The following MAP2K5 variants were observed in gnomAD, a reference collection of about 807,000 sequenced individuals.
MAP2K5 encodes the protein dual specificity mitogen-activated protein kinase kinase 5.
A neutral mutation model predicts 83.1 loss-of-function variants in MAP2K5; 49 were observed. The observed-to-expected ratio is 0.59, with a 90% CI of 0.47 to 0.75. The LOEUF (loss-of-function observed/expected upper bound fraction) is 0.75. Among genes scored for constraint, MAP2K5 ranks in the 30% least tolerant of loss-of-function variants. The pLI, the probability that MAP2K5 is intolerant of heterozygous loss-of-function variation, is 0.00. For synonymous variants in MAP2K5, 202 were observed against 191.8 expected, an observed-to-expected ratio of 1.05 and a Z score of -0.44; for missense variants, 457 against 557.5, an observed-to-expected ratio of 0.82 and a Z score of 1.82.
intron 6 of MAP2K5, chr15:67,588,008 G>T: frequency 1.4e-6 from 1 of 720,360 alleles, no homozygotes; most frequent in South Asian, 6.2e-5. Context: ...GGCCCATTCA[G>T]CCCCTCCTCC....
chr15:67,670,471 A>G (rs1392723623), intron 13 of MAP2K5: 1 of 454,770 alleles, frequency 2.2e-6, no homozygotes. Context: ...ACTGTGTATA[A>G]ATTATGCCTC....
chr15:67,678,359 A>G (rs2414974), intron 13 of MAP2K5, among the ~76,000 whole-genome samples: 149,527 of 152,228 alleles, frequency 0.98, 73,503 homozygotes, highest in Middle Eastern at 1. Flanking sequence ...TTATAGGGGG[A>G]AAAAGTTGAA....
intron 16 of MAP2K5, among the ~76,000 whole-genome samples, chr15:67,705,464 G>A (rs1341514775): frequency 1.3e-5 from 2 of 152,218 alleles, no homozygotes; most frequent in African/African-American, 4.8e-5. Context: ...GCTGGGCTCA[G>A]TGGCTCATGC....
intron 13 of MAP2K5, among the ~76,000 whole-genome samples, chr15:67,678,914 A>C (rs1024103725): frequency 1.4e-5 from 2 of 145,826 alleles, no homozygotes; most frequent in Non-Finnish European, 3.0e-5. Context: ...CAGTGAGGTG[A>C]GATCGTGCCA....
intron 17 of MAP2K5, among the ~76,000 whole-genome samples, chr15:67,733,562 G>A (rs2089272541): frequency 6.6e-6 from 1 of 152,154 alleles, no homozygotes. Context: ...TAGGGTAAAA[G>A]GAAGGTCTGA....
chr15:67,550,124 A>T (rs776448175), intron 2 of MAP2K5, 42 bp downstream of exon 2: 25 of 1,565,710 alleles, frequency 1.6e-5, no homozygotes, highest in African/African-American at 6.8e-5. Flanking sequence ...TCCTTTCTGC[A>T]GTCATTTTTT....
chr15:67,695,294 GAACCTTATTCTA>G (rs901901432), intron 15 of MAP2K5, among the ~76,000 whole-genome samples: 2 of 152,014 alleles, frequency 1.3e-5, no homozygotes, highest in African/African-American at 4.8e-5. Flanking sequence ...TTTAGGGATG[GAACCTTATTCTA>G]AACCTAATTC....
rs1209540603 is a variant in MAP2K5, at chr15:67,640,364, C to T, written c.586-5867C>T. 1.3e-5 allele frequency among the ~76,000 whole-genome samples: 2 copies of T among 152,128 alleles called. No homozygotes were observed. The highest frequency in any genetic ancestry group is 4.8e-5 in the African/African-American group (2 of 41,428). On this transcript the variant is annotated intron_variant, in intron 9 of 21. Transcript: ENST00000178640. This position sits in a 1 kb window ranked among gnomAD's most constrained non-coding sequence, Gnocchi z 4.6. ...TGCTCTCACCCAGAATATTTCTTAG[C>T]TTTTTTTATATTAAAGGGTGAAATG...
At chr15:67,582,059 C>CTTTT (rs944586636) in intron 4 of MAP2K5, among the ~76,000 whole-genome samples, 10 of 122,710 alleles carry the variant, frequency 8.1e-5, no homozygotes, top group Non-Finnish European at 1.2e-4. Flanking sequence ...TAGATGATTT[C>CTTTT]TTTTTTTTTT....
chr15:67,596,133 A>G (rs552350064), intron 7 of MAP2K5, among the ~76,000 whole-genome samples: 54 of 152,332 alleles, frequency 3.5e-4, no homozygotes, highest in African/African-American at 1.2e-3. Context: ...AAAAGCCTCT[A>G]GAAAAACTTT....
In MAP2K5 at chr15:67,634,650, C is replaced by T. The variant is rs928353719; in HGVS notation, c.585+3723C>T. On this transcript the variant is annotated intron_variant, in intron 9 of 21. Coordinates refer to ENST00000178640, the MANE Select transcript of MAP2K5 (RefSeq NM_145160.3). ...TGTTTGTTATGTCCTCTTGATAAAT[C>T]GGCCTCATTGACATTATGAAGTAAC... 3.3e-5 allele frequency among the ~76,000 whole-genome samples: 5 copies of T among 152,014 alleles called. No individual in the cohort carries two copies. The East Asian group carries it at 5.8e-4, about 18-fold the overall frequency.
intron 19 of MAP2K5, among the ~76,000 whole-genome samples, chr15:67,759,846 G>T (rs554749216): frequency 6.6e-6 from 1 of 152,250 alleles, no homozygotes; most frequent in African/African-American, 2.4e-5. Flanking sequence ...TTGTGATGTG[G>T]GATTTCATGG....
intron 19 of MAP2K5, among the ~76,000 whole-genome samples, chr15:67,756,504 A>G (rs899508820): frequency 6.9e-6 from 1 of 145,148 alleles, no homozygotes; most frequent in Non-Finnish European, 1.5e-5. Flanking sequence ...ATCTAACCCC[A>G]CACACAGTTA....
At chr15:67,806,550 AAG>A (rs1297440098) in intron 21 of MAP2K5, 94 bp from the exon 22 acceptor site, 1 of 1,063,024 alleles carries the variant, frequency 9.4e-7, no homozygotes, top group East Asian at 2.6e-5. Flanking sequence ...TTACTGGGGA[AAG>A]AGATCAGATC....
Position 67,774,764 on chromosome 15 carries a change from G to A in MAP2K5, c.1242+2012G>A, listed in dbSNP as rs1566960207. ...GAGCCCATTTGTCACCTGGGTGGGG[G>A]CCTGTGCCTTTCACAAAAAGAGCAG... On this transcript the variant is annotated intron_variant, in intron 21 of 21. Transcript: ENST00000178640. This position sits in a 1 kb window ranked among gnomAD's most constrained non-coding sequence, Gnocchi z 4.9. Among the ~76,000 whole-genome samples, 1 of 152,212 alleles carries A rather than the reference G, an allele frequency of 6.6e-6. No individual in the cohort carries two copies. The highest frequency in any genetic ancestry group is 2.4e-5 in the African/African-American group (1 of 41,446).
At chr15:67,693,690 C>T in intron 15 of MAP2K5, 122 bp downstream of exon 15, 1 of 693,612 alleles carries the variant, frequency 1.4e-6, no homozygotes, top group Non-Finnish European at 2.5e-6. Flanking sequence ...ATTGCAAAGT[C>T]AATCTAGTCA....
In MAP2K5 at chr15:67,560,017, C is replaced by A. The variant is rs2140960481; in HGVS notation, c.185-3266C>A. 2.0e-5 allele frequency among the ~76,000 whole-genome samples: 3 copies of A among 152,338 alleles called. No individual in the cohort carries two copies. In the South Asian group the frequency reaches 6.2e-4, roughly 32 times the overall value. On this transcript the variant is annotated intron_variant, in intron 2 of 21. Coordinates refer to ENST00000178640, the MANE Select transcript of MAP2K5 (RefSeq NM_145160.3). Reference sequence around the variant, plus strand: ...GTTCCAGCTAGTGTAATTTTTACAGCTTATCCAGCTTGATAGGCAGCTAGC... The same window carrying A: ...GTTCCAGCTAGTGTAATTTTTACAGATTATCCAGCTTGATAGGCAGCTAGC...
intron 21 of MAP2K5, among the ~76,000 whole-genome samples, chr15:67,784,264 CACA>C (rs2090378355): frequency 6.6e-6 from 1 of 152,220 alleles, no homozygotes; most frequent in African/African-American, 2.4e-5. Context: ...TGTCCTACTG[CACA>C]ACATCAAAGC....
intron 15 of MAP2K5, among the ~76,000 whole-genome samples, chr15:67,699,131 T>G (rs1837230442): frequency 2.6e-5 from 4 of 151,800 alleles, no homozygotes; most frequent in Admixed American, 1.3e-4. Flanking sequence ...TAGCTAAGTT[T>G]TTTTTTTTTT....
Sources: gnomAD v4.1 joint callset for allele counts (sites outside exome capture counted in the v4.1 genomes callset) on GRCh38, gnomAD v4.1.1 for gene constraint, Gnocchi (gnomAD v3.1) non-coding constraint, MANE v1.5 for transcripts, NCBI Gene and HGNC (gene_info 2026-07-23, HGNC 2026-07-21) for gene names.